LCN15: variants seen among roughly 807,000 people sequenced by gnomAD.
The protein encoded by LCN15 is lipocalin-15.
Under a neutral mutation model 23.1 loss-of-function variants are expected in LCN15, and 26 were observed. The observed-to-expected ratio is 1.13, with a 90% CI of 0.82 to 1.56. The LOEUF is 1.56. Among genes scored for constraint, LCN15 ranks in the 40% most tolerant of loss-of-function variants. The pLI, the probability that LCN15 is intolerant of heterozygous loss-of-function variation, is 0.00. For missense variants in LCN15, 241 were observed against 239.5 expected (o/e 1.01, Z -0.04); for synonymous variants, 107 against 98.3 (o/e 1.09, Z -0.52).
In LCN15 at chr9:136,761,557, G is replaced by A. The variant is rs757019500; in HGVS notation, c.*32+230C>T. Among the ~76,000 whole-genome samples the A allele has an allele frequency of 2.0e-5, 3 of 152,188 alleles. No homozygotes were observed. The highest frequency in any genetic ancestry group is 4.8e-5 in the African/African-American group (2 of 41,442). ...ATGATAGGCATGAGCCACTGCACCC[G>A]GCCAAACTTCTGCTGTTTTAAGTCG... On this transcript the variant is annotated intron_variant, in intron 6 of 6. Transcript: ENST00000316144. The surrounding 1 kb of genome is among the most constrained non-coding windows in gnomAD (Gnocchi z 4.2).
chr9:136,763,332 G>T, intron 4 of LCN15, 25 bp downstream of exon 4: 1 of 1,333,310 alleles, frequency 7.5e-7, no homozygotes, highest in Non-Finnish European at 1.0e-6. Context: ...AGGGGCCAGT[G>T]CGGGGAGGTG....
At position 136,761,720 on chromosome 9, in the gene LCN15, G is replaced by T; in HGVS notation, c.*32+67C>A. ...GGCAGGCATGGGGCAGACAGAACCA[G>T]ATGTCAAGCTGCGATAGGGAGGGGA... On this transcript the variant is annotated intron_variant, in intron 6 of 6. Coordinates refer to ENST00000316144, the MANE Select transcript of LCN15 (RefSeq NM_203347.2). The surrounding 1 kb of genome is among the most constrained non-coding windows in gnomAD (Gnocchi z 4.2). 1.4e-6 allele frequency: 1 copy of T among 736,434 alleles called. No individual in the cohort carries two copies. Among genetic ancestry groups the T allele is most frequent in the Non-Finnish European group, 1.9e-6 (1 of 530,398 alleles). 45.6% of individuals were successfully genotyped at this position (736,434 alleles called of 1,614,324 possible).
At position 136,760,875 on chromosome 9, in the gene LCN15, G is replaced by A. The variant is rs567771070; in HGVS notation, c.*32+912C>T. ...TCAGGCCCACCTGGAACCTCCGAAC[G>A]TGGCCTTATTTGGAAACGGTCTTTG... On this transcript the variant is annotated intron_variant, in intron 6 of 6. Coordinates refer to ENST00000316144, the MANE Select transcript of LCN15 (RefSeq NM_203347.2). 5.3e-5 allele frequency among the ~76,000 whole-genome samples: 8 copies of A among 152,344 alleles called. No individual in the cohort carries two copies. In the South Asian group the frequency reaches 1.0e-3, roughly 20 times the overall value.
At position 136,763,793 on chromosome 9, in the gene LCN15, C is replaced by T. The variant is rs1211256691; in HGVS notation, c.237-10G>A. The T allele has an allele frequency of 6.2e-7, 1 of 1,613,414 alleles. No individual in the cohort carries two copies. The highest frequency in any genetic ancestry group is 1.1e-5 in the South Asian group (1 of 91,084). Reference sequence around the variant, plus strand: ...GTTACAGCCGTCCGCCCTGGGGGTGCACAGCCGGCTCACTCATGGCACCCA... The same window carrying T: ...GTTACAGCCGTCCGCCCTGGGGGTGTACAGCCGGCTCACTCATGGCACCCA... On this transcript the variant is annotated splice_polypyrimidine_tract_variant and intron_variant, in intron 2 of 6. Coordinates refer to ENST00000316144, the MANE Select transcript of LCN15 (RefSeq NM_203347.2).
At position 136,761,909 on chromosome 9, in the gene LCN15, C is replaced by T. The variant is rs375678872; in HGVS notation, c.521-56G>A. The T allele has an allele frequency of 1.1e-5, 14 of 1,301,800 alleles. No homozygotes were observed. In the African/African-American group the frequency reaches 1.7e-4, roughly 16 times the overall value. 80.6% of individuals were successfully genotyped at this position (1,301,800 alleles called of 1,614,324 possible). On this transcript the variant is annotated intron_variant, in intron 5 of 6. Transcript: ENST00000316144. The surrounding 1 kb of genome is among the most constrained non-coding windows in gnomAD (Gnocchi z 4.2). ...GACGGCCAGGACCGCCCTCGCTTCCCGCAGCCCCCAACCCCTGGGTGCCAA... is the reference window on the plus strand; with the variant it reads ...GACGGCCAGGACCGCCCTCGCTTCCTGCAGCCCCCAACCCCTGGGTGCCAA...
chr9:136,760,128 T>C (rs892003143), intron 6 of LCN15, among the ~76,000 whole-genome samples: 8 of 152,260 alleles, frequency 5.3e-5, no homozygotes, highest in African/African-American at 1.9e-4. Flanking sequence ...CCCCGGAATG[T>C]CCATGAAGCC....
intron 3 of LCN15, 116 bp downstream of exon 3, chr9:136,763,597 G>T: frequency 1.6e-6 from 2 of 1,276,664 alleles, no homozygotes; most frequent in Non-Finnish European, 2.2e-6. Context: ...CGGGGAGGGC[G>T]GGCAGGGGGC....
At position 136,763,395 on chromosome 9, in the gene LCN15, T is replaced by C. The variant is rs369629526; in HGVS notation, c.380A>G (p.Glu127Gly). 3 of 1,607,252 alleles carry C rather than the reference T, an allele frequency of 1.9e-6. No individual in the cohort carries two copies. Among genetic ancestry groups the C allele is most frequent in the African/African-American group, 1.3e-5 (1 of 74,788 alleles). Reference sequence around the variant, plus strand: ...CATGGTGCTGAGGGCCCCCTCCAGCTCCTTGTAGATGTAAAGGACGGCGAA... The same window carrying C: ...CATGGTGCTGAGGGCCCCCTCCAGCCCCTTGTAGATGTAAAGGACGGCGAA... Reference protein sequence around the residue: ...SSFAVLYIYKELEGALSTMVQ... With the variant: ...SSFAVLYIYKGLEGALSTMVQ... The change falls in exon 4 of 7, where the codon GAG (glutamate) becomes GGG (glycine). Residue 127 changes from glutamate (E) to glycine (G), a missense_variant. Coordinates refer to ENST00000316144, the MANE Select transcript of LCN15 (RefSeq NM_203347.2).
Position 136,763,864 on chromosome 9 carries a change from A to C in LCN15, c.236+6T>G, listed in dbSNP as rs1340441291. 2 of 1,613,150 alleles carry C rather than the reference A, an allele frequency of 1.2e-6. No individual in the cohort carries two copies. Among genetic ancestry groups the C allele is most frequent in the Admixed American group, 1.7e-5 (1 of 59,984 alleles). On this transcript the variant is annotated splice_donor_region_variant and intron_variant, in intron 2 of 6. Transcript: ENST00000316144. ...CAGCCCAGGCAGCCCAGCCCAAGTAACTCACCCCGGGAACTCCATGTGGAC... is the reference window on the plus strand; with the variant it reads ...CAGCCCAGGCAGCCCAGCCCAAGTACCTCACCCCGGGAACTCCATGTGGAC...
chr9:136,763,334 G>T (rs1209421224), intron 4 of LCN15, 23 bp downstream of exon 4: 3 of 1,346,672 alleles, frequency 2.2e-6, no homozygotes, highest in South Asian at 2.7e-5. Context: ...GGGCCAGTGC[G>T]GGGAGGTGGG....
rs756323016 is a variant in LCN15, at chr9:136,762,226, C to T, written c.482G>A (p.Gly161Glu). 6.2e-6 allele frequency: 10 copies of T among 1,600,856 alleles called. No individual in the cohort carries two copies. Among genetic ancestry groups the T allele is most frequent in the South Asian group, 1.1e-5 (1 of 89,338 alleles). ...KSFQDFYPTL[G>E]LPKDMMVMLP... Reference sequence around the variant, plus strand: ...CATGACCATCATGTCCTTGGGGAGCCCCAGGGTCGGGTAGAAGTCCTGGAA... The same window carrying T: ...CATGACCATCATGTCCTTGGGGAGCTCCAGGGTCGGGTAGAAGTCCTGGAA... Residue 161 changes from glycine to glutamate, a missense_variant, in exon 5 of 7, where the codon GGG (glycine) becomes GAG (glutamate). Coordinates refer to ENST00000316144, the MANE Select transcript of LCN15 (RefSeq NM_203347.2).
Position 136,762,246 on chromosome 9 carries a change from C to G in LCN15, c.462G>C (p.Gln154His), listed in dbSNP as rs771648434. The G allele has an allele frequency of 2.5e-6, 4 of 1,600,278 alleles. No homozygotes were observed. The South Asian group carries it at 4.5e-5, about 18-fold the overall frequency. ...GGAGCCCCAGGGTCGGGTAGAAGTC[C>G]TGGAAGGACTTCAGAGCCTGGGGAC... ...DVSPQALKSF[Q>H]DFYPTLGLPK... Residue 154 changes from glutamine to histidine, a missense_variant, in exon 5 of 7, where the codon CAG becomes CAC. By Grantham distance (24) the Gln-to-His change is conservative. Coordinates refer to ENST00000316144, the MANE Select transcript of LCN15 (RefSeq NM_203347.2).
rs184154302 is a variant in LCN15, at chr9:136,763,872, C to T, written c.234G>A (p.Pro78=). The change falls in exon 2 of 7, where the codon CCG becomes CCA. Residue 78 remains proline (P), a splice_region_variant and synonymous_variant. Transcript: ENST00000316144. ...GCAGCCCAGCCCAAGTAACTCACCC[C>T]GGGAACTCCATGTGGACGTGGAGGC... ...EGGLHVHMEF[P]GADGCNQVDA... 6.2e-6 allele frequency: 10 copies of T among 1,613,422 alleles called. No homozygotes were observed. In the Admixed American group the frequency reaches 1.0e-4, roughly 16 times the overall value.
In LCN15 at chr9:136,763,944, G is replaced by A. The variant is rs749317692; in HGVS notation, c.162C>T (p.Asp54=). Residue 54 remains aspartate, a synonymous_variant, in exon 2 of 7, where the codon GAC becomes GAT. Transcript: ENST00000316144. The part of the protein sequence containing the change: ...SDCRVFLGKK[D]HLSMSTRAIR... ...TGGCCCTGGTGGACATGGACAGGTG[G>A]TCCTTCTTGCCCAGGAAGACCCTGC... 2.5e-6 allele frequency: 4 copies of A among 1,613,466 alleles called. No homozygotes were observed. The highest frequency in any genetic ancestry group is 3.4e-6 in the Non-Finnish European group (4 of 1,179,986).
chr9:136,764,331 C>T, intron 1 of LCN15, 62 bp downstream of exon 1: 4 of 1,490,040 alleles, frequency 2.7e-6, no homozygotes. Flanking sequence ...TCACAATTAT[C>T]ACGTTGTCTC....
At chr9:136,760,706 GCTGTGGTCTGCCCT>G (rs768287883) in intron 6 of LCN15, among the ~76,000 whole-genome samples, 11 of 152,252 alleles carry the variant, frequency 7.2e-5, no homozygotes, top group Non-Finnish European at 1.5e-4. Flanking sequence ...GCGCGCGAAG[GCTGTGGTCTGCCCT>G]CCTGGGCCCT....
At chr9:136,763,184 T>G (rs1479084907) in intron 4 of LCN15, among the ~76,000 whole-genome samples, 173 bp downstream of exon 4, 2 of 142,518 alleles carry the variant, frequency 1.4e-5, no homozygotes, top group Non-Finnish European at 3.0e-5. Context: ...GGCCCGGGGA[T>G]GAGGAGGCGG....
intron 5 of LCN15, 97 bp downstream of exon 5, chr9:136,762,091 C>G (rs976147231): frequency 2.3e-6 from 2 of 851,744 alleles, no homozygotes; most frequent in East Asian, 2.8e-5. Flanking sequence ...ACCTGCTGCC[C>G]GCACACTGCC....
In LCN15 at chr9:136,764,472, A is replaced by G; in HGVS notation, c.17T>C (p.Leu6Pro). The G allele has an allele frequency of 6.2e-7, 1 of 1,612,834 alleles. No individual in the cohort carries two copies. The highest frequency in any genetic ancestry group is 8.5e-7 in the Non-Finnish European group (1 of 1,179,668). Reference protein sequence around the residue: MMSFLLGAILTLLWAP... With the variant: MMSFLPGAILTLLWAP... The stretch of plus-strand genomic sequence containing the variant: ...CCAGAGCAGGGTCAGGATTGCGCCG[A>G]GCAGGAATGACATCATCCCCTCCCC... Residue 6 changes from leucine (L) to proline (P), a missense_variant, in exon 1 of 7, where the codon CTC (leucine) becomes CCC (proline). Transcript: ENST00000316144.
Sources: allele counts gnomAD v4.1 joint callset (sites outside exome capture counted in the v4.1 genomes callset), GRCh38; gene constraint gnomAD v4.1.1; non-coding constraint Gnocchi (gnomAD v3.1); transcripts MANE v1.5; gene names NCBI Gene and HGNC (gene_info 2026-07-23, HGNC 2026-07-21).